The following NFE2L3 variants were observed in gnomAD, a reference collection of about 807,000 sequenced individuals.
The protein encoded by NFE2L3 is NFE2 like bZIP transcription factor 3, also known as nuclear factor erythroid 2-related factor 3.
A neutral mutation model predicts 23.5 loss-of-function variants in NFE2L3; 18 were observed. The observed-to-expected ratio is 0.77, with a 90% CI of 0.53 to 1.13. The LOEUF is 1.13. Ranked by LOEUF, NFE2L3 falls within the 50% of genes most tolerant of loss-of-function variation. NFE2L3 has a pLI of 0.00. For synonymous variants in NFE2L3, 424 were observed against 354.5 expected, an observed-to-expected ratio of 1.20 and a Z score of -2.20; for missense variants, 1,152 against 877.2, an observed-to-expected ratio of 1.31 and a Z score of -3.96.
At chr7:26,178,183 T>TTGTA in intron 2 of NFE2L3, 61 bp downstream of exon 2, 2 of 1,448,742 alleles carry the variant, frequency 1.4e-6, no homozygotes, top group Non-Finnish European at 1.9e-6. Context: ...TTTGTGGCAT[T>TTGTA]GACAGTTTGT....
intron 1 of NFE2L3, among the ~76,000 whole-genome samples, chr7:26,158,279 T>C (rs993683928): frequency 7.2e-5 from 11 of 152,110 alleles, no homozygotes; most frequent in Non-Finnish European, 1.5e-4. Context: ...ATTTCCCTTT[T>C]TATAAGGACA....
chr7:26,181,240 G>A (rs751281475), intron 2 of NFE2L3, among the ~76,000 whole-genome samples: 2 of 152,188 alleles, frequency 1.3e-5, no homozygotes, highest in Non-Finnish European at 2.9e-5. Context: ...GCCTCCCAAA[G>A]TGCTGGGATT....
At chr7:26,170,328 A>G (rs1053359318) in intron 1 of NFE2L3, among the ~76,000 whole-genome samples, 2 of 152,102 alleles carry the variant, frequency 1.3e-5, no homozygotes, top group East Asian at 3.9e-4. Flanking sequence ...GCAGGCAGGC[A>G]CTCTAACATT....
At position 26,178,012 on chromosome 7, in the gene NFE2L3, A is replaced by G; in HGVS notation, c.640A>G (p.Arg214Gly). ...HSSQHEENEE[R>G]VSAQKENSLQ... ...TTCCCAGCATGAGGAAAATGAAGAAAGGGTGTCAGCCCAGAAGGAGAACTC... is the reference window on the plus strand; with the variant it reads ...TTCCCAGCATGAGGAAAATGAAGAAGGGGTGTCAGCCCAGAAGGAGAACTC... The change falls in exon 2 of 4, where the codon AGG becomes GGG. Residue 214 changes from arginine (R) to glycine (G), a missense_variant. Coordinates refer to ENST00000056233, the MANE Select transcript of NFE2L3 (RefSeq NM_004289.7). 1.2e-6 allele frequency: 2 copies of G among 1,614,216 alleles called. No individual in the cohort carries two copies.
At chr7:26,176,431 C>T (rs1784406153) in intron 1 of NFE2L3, among the ~76,000 whole-genome samples, 1 of 152,230 alleles carries the variant, frequency 6.6e-6, no homozygotes, top group South Asian at 2.1e-4. Flanking sequence ...TGGAAGATTG[C>T]ACAGCAGCCA....
At chr7:26,182,080 C>T (rs374419838) in intron 2 of NFE2L3, among the ~76,000 whole-genome samples, 1 of 151,732 alleles carries the variant, frequency 6.6e-6, no homozygotes, top group African/African-American at 2.4e-5. Flanking sequence ...CAGAAAAGTC[C>T]TCAGATTAAA....
At chr7:26,161,336 T>C (rs1784167893) in intron 1 of NFE2L3, among the ~76,000 whole-genome samples, 1 of 19,258 alleles carries the variant, frequency 5.2e-5, no homozygotes, top group African/African-American at 2.3e-4. Flanking sequence ...CTTCTCTCTC[T>C]TTTTTTTTTT....
Position 26,184,967 on chromosome 7 carries a change from A to G in NFE2L3, c.1269A>G (p.Leu423=), listed in dbSNP as rs1291683098. 6.2e-7 allele frequency: 1 copy of G among 1,613,796 alleles called. No individual in the cohort carries two copies. Among genetic ancestry groups the G allele is most frequent in the African/African-American group, 1.3e-5 (1 of 74,922 alleles). The part of the protein sequence containing the change: ...DEPDSDSGLS[L]DSSHNNTSVI... ...CAGATTCTGATTCTGGCCTTTCTTT[A>G]GATTCAAGTCACAATAATACCTCTG... Residue 423 remains leucine (L), a synonymous_variant, in exon 4 of 4, where the codon TTA becomes TTG. Transcript: ENST00000056233.
Position 26,152,643 on chromosome 7 carries a change from C to T in NFE2L3, c.145C>T (p.Leu49=), listed in dbSNP as rs963795057. The change falls in exon 1 of 4, where the codon CTG becomes TTG. Residue 49 remains leucine (L), a synonymous_variant. Coordinates refer to ENST00000056233, the MANE Select transcript of NFE2L3 (RefSeq NM_004289.7). This position sits in a 1 kb window ranked among gnomAD's most constrained non-coding sequence, Gnocchi z 4.4. ...PTLLQDELLF[L]GGPASSAYAL... ...CCTGCTGCAGGACGAGCTGCTGTTCCTGGGCGGCCCGGCCAGCTCCGCCTA... is the reference window on the plus strand; with the variant it reads ...CCTGCTGCAGGACGAGCTGCTGTTCTTGGGCGGCCCGGCCAGCTCCGCCTA... 1 of 1,517,670 alleles carries T rather than the reference C, an allele frequency of 6.6e-7. No homozygotes were observed. The highest frequency in any genetic ancestry group is 8.8e-7 in the Non-Finnish European group (1 of 1,142,276). The allele number at this position is 1,517,670 out of a possible 1,614,324, so 94.0% of individuals were successfully genotyped here.
intron 1 of NFE2L3, among the ~76,000 whole-genome samples, chr7:26,165,143 G>C (rs1784229176): frequency 6.6e-6 from 1 of 152,236 alleles, no homozygotes; most frequent in Middle Eastern, 3.4e-3. Context: ...CTCTTTTTTG[G>C]TTCCATATGA....
At position 26,178,005 on chromosome 7, in the gene NFE2L3, TGAA is replaced by T. The variant is rs935940546; in HGVS notation, c.637_639del (p.Glu213del). 5 of 1,613,756 alleles carry T rather than the reference TGAA, an allele frequency of 3.1e-6. No individual in the cohort carries two copies. The East Asian group carries it at 8.9e-5, about 29-fold the overall frequency. ...ATCATAGTTCCCAGCATGAGGAAAA[TGAA>T]GAAAGGGTGTCAGCCCAGAAGGAGA... is the stretch of plus-strand genomic sequence containing the variant. On this transcript the variant is annotated inframe_deletion, in exon 2 of 4. Coordinates refer to ENST00000056233, the MANE Select transcript of NFE2L3 (RefSeq NM_004289.7).
chr7:26,165,242 T>C (rs1043014210), intron 1 of NFE2L3, among the ~76,000 whole-genome samples: 3 of 152,234 alleles, frequency 2.0e-5, no homozygotes, highest in African/African-American at 7.2e-5. Flanking sequence ...CCTTGGGCAG[T>C]ATGGCCATTT....
At chr7:26,168,980 GTCTTT>G (rs893216069) in intron 1 of NFE2L3, among the ~76,000 whole-genome samples, 1 of 152,152 alleles carries the variant, frequency 6.6e-6, no homozygotes, top group African/African-American at 2.4e-5. Context: ...GGTAGGATAG[GTCTTT>G]TTACTCAGCT....
intron 1 of NFE2L3, among the ~76,000 whole-genome samples, chr7:26,177,290 G>C (rs572542468): frequency 2.0e-5 from 3 of 152,288 alleles, no homozygotes; most frequent in Admixed American, 2.0e-4. Flanking sequence ...TCATGCCACT[G>C]CACTCCAGCC....
At chr7:26,167,417 G>C (rs966519686) in intron 1 of NFE2L3, among the ~76,000 whole-genome samples, 4 of 152,146 alleles carry the variant, frequency 2.6e-5, no homozygotes, top group Non-Finnish European at 5.9e-5. Flanking sequence ...TGGTAGGGCA[G>C]GCCTTTCCAG....
intron 1 of NFE2L3, among the ~76,000 whole-genome samples, chr7:26,153,456 C>G (rs929264194): frequency 1.2e-4 from 19 of 152,130 alleles, no homozygotes; most frequent in African/African-American, 4.3e-4. Flanking sequence ...TGAAGGAGGC[C>G]GTGACCTCTG....
intron 1 of NFE2L3, among the ~76,000 whole-genome samples, chr7:26,164,501 G>T (rs1239241228): frequency 6.6e-6 from 1 of 152,044 alleles, no homozygotes; most frequent in Non-Finnish European, 1.5e-5. Flanking sequence ...TGTTGATGGG[G>T]TTGTTTGTTT....
chr7:26,154,625 A>AC (rs1784053522), intron 1 of NFE2L3, among the ~76,000 whole-genome samples: 1 of 152,110 alleles, frequency 6.6e-6, no homozygotes, highest in African/African-American at 2.4e-5. Flanking sequence ...ATGACGACTC[A>AC]CTGCAGCCTC....
At chr7:26,169,217 C>T (rs1057490982) in intron 1 of NFE2L3, among the ~76,000 whole-genome samples, 2 of 152,178 alleles carry the variant, frequency 1.3e-5, no homozygotes, top group African/African-American at 2.4e-5. Context: ...TAATTGCTAA[C>T]TGTTACAAGT....
Sources: allele counts gnomAD v4.1 joint callset (sites outside exome capture counted in the v4.1 genomes callset), GRCh38; gene constraint gnomAD v4.1.1; non-coding constraint Gnocchi (gnomAD v3.1); transcripts MANE v1.5; gene names NCBI Gene and HGNC (gene_info 2026-07-23, HGNC 2026-07-21).